Variants in MARK1 observed in about 807,000 individuals in gnomAD.
The protein encoded by MARK1 is serine/threonine-protein kinase MARK1.
Under a neutral mutation model 96.3 loss-of-function variants are expected in MARK1, and 40 were observed. The observed-to-expected ratio is 0.42, with a 90% CI of 0.32 to 0.54. The LOEUF (loss-of-function observed/expected upper bound fraction) is 0.54. MARK1 is among the 20% of genes least tolerant of loss of function. The probability of loss-of-function intolerance (pLI) is 0.16; values close to 1 mark genes in which losing one functional copy is unlikely to be tolerated. For synonymous variants in MARK1, 317 were observed against 341.2 expected, an observed-to-expected ratio of 0.93 and a Z score of 0.78; for missense variants, 719 against 984.6, an observed-to-expected ratio of 0.73 and a Z score of 3.61.
intron 9 of MARK1, among the ~76,000 whole-genome samples, chr1:220,624,690 AT>A (rs750796652): frequency 1.3e-5 from 2 of 152,128 alleles, no homozygotes; most frequent in Non-Finnish European, 2.9e-5. Flanking sequence ...CCATGTATAT[AT>A]TTTTTCTGAC....
At chr1:220,584,378 A>T (rs1451067911) in intron 3 of MARK1, among the ~76,000 whole-genome samples, 1 of 152,242 alleles carries the variant, frequency 6.6e-6, no homozygotes, top group East Asian at 1.9e-4. Context: ...CTGCTGCGCT[A>T]AAGTTTTATA....
intron 6 of MARK1, among the ~76,000 whole-genome samples, chr1:220,607,858 A>G (rs1666180531): frequency 6.6e-6 from 1 of 152,192 alleles, no homozygotes; most frequent in Admixed American, 6.5e-5. Flanking sequence ...GATTACGTTT[A>G]TTGATTTGCG....
rs919689438 is a variant in MARK1 at position 220,657,792 on chromosome 1, A to G, written c.1991A>G (p.Asp664Gly). The G allele has an allele frequency of 6.3e-7, 1 of 1,576,866 alleles. No individual in the cohort carries two copies. Among genetic ancestry groups the G allele is most frequent in the Admixed American group, 1.9e-5 (1 of 51,766 alleles). ...SKITSKFVRR[D>G]PSEGEASGRT... ...CTCAACCTTCACTTTGTTTTGAGGGATCCAAGTGAAGGCGAAGCCAGTGGC... is the reference window on the plus strand; with the variant it reads ...CTCAACCTTCACTTTGTTTTGAGGGGTCCAAGTGAAGGCGAAGCCAGTGGC... Residue 664 changes from aspartate (D) to glycine (G), a missense_variant and splice_region_variant, in exon 17 of 18, where the codon GAT becomes GGT. Around this residue, in one of 4 missense-constraint regions of MARK1, gnomAD observed 501 missense variants for 588.3 expected, o/e 0.85. Coordinates refer to ENST00000366917, the MANE Select transcript of MARK1 (RefSeq NM_018650.5).
chr1:220,592,446 GAAAT>G (rs1665062814), intron 3 of MARK1, among the ~76,000 whole-genome samples: 1 of 151,730 alleles, frequency 6.6e-6, no homozygotes, highest in South Asian at 2.1e-4. Context: ...CAGCTAAAAA[GAAAT>G]GAATTCTGCC....
intron 1 of MARK1, among the ~76,000 whole-genome samples, chr1:220,578,309 A>G (rs1664009657): frequency 6.6e-6 from 1 of 152,262 alleles, no homozygotes; most frequent in South Asian, 2.1e-4. Flanking sequence ...GAACAATCAC[A>G]GCTAGTGAAA....
chr1:220,647,138 T>C (rs1668623674), intron 13 of MARK1, among the ~76,000 whole-genome samples: 1 of 151,864 alleles, frequency 6.6e-6, no homozygotes, highest in Admixed American at 6.6e-5. Context: ...TGGAAGAAAA[T>C]TTTTGCAATC....
intron 9 of MARK1, among the ~76,000 whole-genome samples, chr1:220,630,228 G>T (rs115848797): frequency 1.3e-5 from 2 of 152,150 alleles, no homozygotes; most frequent in African/African-American, 4.8e-5. Context: ...AAGCATGCTT[G>T]TTGGCCACTT....
At chr1:220,533,647 A>G (rs1660477798) in intron 1 of MARK1, among the ~76,000 whole-genome samples, 1 of 152,196 alleles carries the variant, frequency 6.6e-6, no homozygotes, top group South Asian at 2.1e-4. Context: ...CTCAGAAGGT[A>G]GTATTCCATT....
At chr1:220,597,551 C>T (rs1665459198) in intron 3 of MARK1, among the ~76,000 whole-genome samples, 1 of 152,116 alleles carries the variant, frequency 6.6e-6, no homozygotes, top group African/African-American at 2.4e-5. Context: ...AATGTCACCT[C>T]TGAAAGTAGT....
At chr1:220,600,615 T>TTAA (rs1453220229) in intron 5 of MARK1, among the ~76,000 whole-genome samples, 3 of 152,184 alleles carry the variant, frequency 2.0e-5, no homozygotes, top group African/African-American at 7.2e-5. Context: ...AATTAATCAT[T>TTAA]TAATAAGTAA....
chr1:220,531,227 T>G (rs1558238192), intron 1 of MARK1, among the ~76,000 whole-genome samples: 1 of 152,218 alleles, frequency 6.6e-6, no homozygotes. Flanking sequence ...GTAACAAGCC[T>G]GCTTGTTAGC....
rs566033186 is a variant in MARK1 at position 220,618,191 on chromosome 1, A to T, written c.553-119A>T. On this transcript the variant is annotated intron_variant, in intron 7 of 17. Transcript: ENST00000366917. This position sits in a 1 kb window ranked among gnomAD's most constrained non-coding sequence, Gnocchi z 4.6. ...GTACCATACTGGGCTTCTAAATTTG[A>T]TACTACATTTAGAAATGAGGGGCAA... The T allele has an allele frequency of 1.4e-4, 92 of 664,474 alleles. 1 individual carries two copies. The African/African-American group carries it at 1.4e-3, about 10-fold the overall frequency. The allele number at this position is 664,474 out of a possible 1,614,324, so 41.2% of individuals were successfully genotyped here.
At chr1:220,536,048 A>G (rs1042561764) in intron 1 of MARK1, among the ~76,000 whole-genome samples, 4 of 151,978 alleles carry the variant, frequency 2.6e-5, no homozygotes, top group African/African-American at 7.3e-5. Flanking sequence ...AAAAAATGCC[A>G]TTAGGTTAGT....
In MARK1 at chr1:220,579,482, C is replaced by A; in HGVS notation, c.180C>A (p.Tyr60Ter). The change falls in exon 2 of 18, where the codon TAC (tyrosine) becomes TAA (stop). Residue 60 changes from tyrosine (Y) to a stop codon, truncating the protein, a stop_gained. Coordinates refer to ENST00000366917, the MANE Select transcript of MARK1 (RefSeq NM_018650.5). LOFTEE classifies it high-confidence loss of function. ...ATGAACAGCCTCACATTGGAAATTA[C>A]CGTTTACAAAAAACAATAGGGAAGG... is the stretch of plus-strand genomic sequence containing the variant. ...ATDEQPHIGN[Y>*]RLQKTIGKGN... The A allele has an allele frequency of 6.2e-7, 1 of 1,614,000 alleles. No individual in the cohort carries two copies. The highest frequency in any genetic ancestry group is 8.5e-7 in the Non-Finnish European group (1 of 1,179,968).
chr1:220,558,072 GCAGTGAGTCATGATCACATCAACA>G (rs1297930644), intron 1 of MARK1, among the ~76,000 whole-genome samples: 1 of 151,416 alleles, frequency 6.6e-6, no homozygotes, highest in Non-Finnish European at 1.5e-5. Flanking sequence ...CAAGGTTGCA[GCAGTGAGTCATGATCACATCAACA>G]CACTCCAGCC....
Position 220,582,212 on chromosome 1 carries a change from T to C in MARK1, c.309+1094T>C, listed in dbSNP as rs771926876. 3.9e-5 allele frequency among the ~76,000 whole-genome samples: 6 copies of C among 152,344 alleles called. No individual in the cohort carries two copies. In the East Asian group the frequency reaches 1.2e-3, roughly 29 times the overall value. Reference sequence around the variant, plus strand: ...GAAAATTTGACAACCAGTATAACTTTTCATAACACTGATATTTCTGCCCAG... The same window carrying C: ...GAAAATTTGACAACCAGTATAACTTCTCATAACACTGATATTTCTGCCCAG... On this transcript the variant is annotated intron_variant, in intron 3 of 17. Transcript: ENST00000366917.
chr1:220,655,125 A>G (rs914871565), intron 16 of MARK1, among the ~76,000 whole-genome samples: 5 of 152,118 alleles, frequency 3.3e-5, no homozygotes, highest in African/African-American at 9.7e-5. Context: ...GTTTTCTCCT[A>G]CCTCACAGAC....
At chr1:220,615,476 T>C (rs1666689729) in intron 6 of MARK1, among the ~76,000 whole-genome samples, 1 of 152,202 alleles carries the variant, frequency 6.6e-6, no homozygotes, top group African/African-American at 2.4e-5. Context: ...TTCTTAGTGA[T>C]TTGGCCTCAC....
In MARK1 at chr1:220,642,784, C is replaced by G. The variant is rs1169782136; in HGVS notation, c.1470+6758C>G. ...TCCAGAGGAAAGAGCAGACAGCAAT[C>G]TGCTGTTCTGCAGCCTCCACTGGTG... is the stretch of plus-strand genomic sequence containing the variant. On this transcript the variant is annotated intron_variant, in intron 13 of 17. Transcript: ENST00000366917. 3.3e-5 allele frequency among the ~76,000 whole-genome samples: 5 copies of G among 152,184 alleles called. No individual in the cohort carries two copies. The East Asian group carries it at 9.6e-4, about 29-fold the overall frequency.
Sources: allele counts gnomAD v4.1 joint callset (sites outside exome capture counted in the v4.1 genomes callset), GRCh38; gene constraint gnomAD v4.1.1; regional missense constraint gnomAD v4.1.1; non-coding constraint Gnocchi (gnomAD v3.1); transcripts MANE v1.5; gene names NCBI Gene and HGNC (gene_info 2026-07-23, HGNC 2026-07-21).